GRAMD4: variants seen among roughly 807,000 people sequenced by gnomAD.
The protein encoded by GRAMD4 is GRAM domain-containing protein 4.
Under a neutral mutation model 83.9 loss-of-function variants are expected in GRAMD4, and 25 were observed. The ratio of observed to expected loss-of-function variants is 0.30; its 90% CI spans 0.22 to 0.42. The LOEUF (loss-of-function observed/expected upper bound fraction) is 0.42, where lower values mean the gene tolerates loss of function less well. Ranked by LOEUF, GRAMD4 falls within the 10% of genes least tolerant of loss-of-function variation. The probability of loss-of-function intolerance (pLI) is 1.00; values close to 1 mark genes in which losing one functional copy is unlikely to be tolerated. For missense variants in GRAMD4, 593 were observed against 788.7 expected (o/e 0.75, Z 2.97); for synonymous variants, 336 against 320.9 (o/e 1.05, Z -0.50).
chr22:46,656,346 G>A (rs1032487685), intron 3 of GRAMD4, among the ~76,000 whole-genome samples: 10 of 152,356 alleles, frequency 6.6e-5, no homozygotes, highest in Middle Eastern at 3.4e-3. Context: ...TTTGGGTACC[G>A]TGAGCCTGTG....
rs768302011 is a variant in GRAMD4, at chr22:46,664,091, G to A, written c.691G>A (p.Val231Ile). 16 of 1,612,938 alleles carry A rather than the reference G, an allele frequency of 9.9e-6. No homozygotes were observed. In the East Asian group the frequency reaches 1.8e-4, roughly 18 times the overall value. The stretch of plus-strand genomic sequence containing the variant: ...CTCTGCCTTATCCGACTGGTACTCC[G>A]TCTACACGTCTGCCATTGCCTTCAC... ...NLSALSDWYS[V>I]YTSAIAFTVY... The change falls in exon 8 of 19, where the codon GTC becomes ATC. Residue 231 changes from valine (V) to isoleucine (I), a missense_variant. Val to Ile is a conservative substitution (Grantham distance 29, BLOSUM62 3). Around this residue, in one of 4 missense-constraint regions of GRAMD4, gnomAD observed 312 missense variants for 350.7 expected, o/e 0.89. Transcript: ENST00000406902.
intron 16 of GRAMD4, 23 bp downstream of exon 16, chr22:46,674,773 G>A: frequency 6.5e-7 from 1 of 1,532,246 alleles, no homozygotes. Flanking sequence ...GTGGGGCCCT[G>A]TGTGGCTGCA....
At chr22:46,650,209 GT>G (rs1320402725) in intron 3 of GRAMD4, among the ~76,000 whole-genome samples, 2 of 152,158 alleles carry the variant, frequency 1.3e-5, no homozygotes, top group African/African-American at 4.8e-5. Flanking sequence ...TGAATCAGTC[GT>G]GTGCCAAGAG....
At chr22:46,615,679 TG>T (rs2081475700), upstream of GRAMD4, among the ~76,000 whole-genome samples, 1 of 11,066 alleles carries the variant, frequency 9.0e-5, no homozygotes, top group Admixed American at 1.4e-3. Context: ...TAGGTTCCCC[TG>T]TGCGTAGGTT....
intron 1 of GRAMD4, among the ~76,000 whole-genome samples, chr22:46,604,640 TCA>T (rs1326823314): frequency 6.6e-6 from 1 of 152,226 alleles, no homozygotes; most frequent in African/African-American, 2.4e-5. Context: ...AAGTGGAATC[TCA>T]CAGTGTCTAT....
At position 46,620,656 on chromosome 22, in the gene GRAMD4, C is replaced by CCCCAG; in HGVS notation, c.-50+91_-50+92insCCCAG. On this transcript the variant is annotated intron_variant, in intron 1 of 18. Coordinates refer to ENST00000406902, the MANE Select transcript of GRAMD4 (RefSeq NM_015124.5). The surrounding 1 kb of genome is among the most constrained non-coding windows in gnomAD (Gnocchi z 4.7). ...TGGGAAAAGCTGCTACTCTCTGGGG[C>CCCCAG]AGTGGTCCCAGCTACCACGTGCTCT... 8.7e-6 allele frequency: 3 copies of CCCCAG among 345,076 alleles called. No individual in the cohort carries two copies. The highest frequency in any genetic ancestry group is 1.1e-4 in the South Asian group (1 of 8,936). The allele number at this position is 345,076 out of a possible 1,614,324, so 21.4% of individuals were successfully genotyped here. A position where few individuals can be genotyped will look rare whatever the true frequency, so the allele number is the denominator to read the frequency against.
In GRAMD4 at chr22:46,622,935, A is replaced by T; in HGVS notation, c.-50+2370A>T. 6.7e-6 allele frequency among the ~76,000 whole-genome samples: 1 copy of T among 149,932 alleles called. No individual in the cohort carries two copies. On this transcript the variant is annotated intron_variant, in intron 1 of 18. Transcript: ENST00000406902. The surrounding 1 kb of genome is among the most constrained non-coding windows in gnomAD (Gnocchi z 4.0). ...TCTAAAAAAAAAAAAAAAAAAACTG[A>T]TGAAATTGGTAATATTTATATTATG...
At chr22:46,616,037 TGTA>T (rs2081484492), upstream of GRAMD4, among the ~76,000 whole-genome samples, 4 of 3,000 alleles carry the variant, frequency 1.3e-3, no homozygotes, top group Non-Finnish European at 2.5e-3. Flanking sequence ...TTCCCCCATG[TGTA>T]GGTTCCCCTG....
At chr22:46,598,701 G>A (rs1344757181) in intron 1 of GRAMD4, among the ~76,000 whole-genome samples, 2 of 150,926 alleles carry the variant, frequency 1.3e-5, no homozygotes, top group Non-Finnish European at 3.0e-5. Flanking sequence ...GGCCTGTGGT[G>A]CAGCTCCGAG....
chr22:46,673,696 C>T lies in GRAMD4; in HGVS notation c.1266C>T (p.Tyr422=), dbSNP rs148538932. 139 of 1,612,646 alleles carry T rather than the reference C, an allele frequency of 8.6e-5. No individual in the cohort carries two copies. Among genetic ancestry groups the T allele is most frequent in the Non-Finnish European group, 1.1e-4 (127 of 1,179,838 alleles). ...RRLQTTSSRS[Y]VPSAPAGLGK... is the part of the protein sequence containing the mutation. The stretch of plus-strand genomic sequence containing the variant: ...TGCAGACGACCTCGTCACGGAGCTA[C>T]GTACCCAGCGCACCGGCCGGCCTGG... The change falls in exon 15 of 19, where the codon TAC becomes TAT. Residue 422 remains tyrosine (Y), a synonymous_variant. Transcript: ENST00000406902.
At position 46,663,064 on chromosome 22, in the gene GRAMD4, C is replaced by G. The variant is rs564439460; in HGVS notation, c.491C>G (p.Ser164Trp). Residue 164 changes from serine (S) to tryptophan (W), a missense_variant, in exon 6 of 19, where the codon TCG becomes TGG. Transcript: ENST00000406902. ...GAERRSQGLS[S>W]RLQKWFYERF... is the part of the protein sequence containing the mutation. ...GAGCGCCGGAGCCAGGGGCTGTCCT[C>G]GCGCCTGCAGAAGTGGTTCTACGAG... 1.2e-6 allele frequency: 2 copies of G among 1,611,676 alleles called. No individual in the cohort carries two copies. The highest frequency in any genetic ancestry group is 1.7e-6 in the Non-Finnish European group (2 of 1,179,180).
chr22:46,646,239 G>A (rs1189488882), intron 3 of GRAMD4, among the ~76,000 whole-genome samples: 2 of 152,230 alleles, frequency 1.3e-5, no homozygotes, highest in Non-Finnish European at 2.9e-5. Context: ...ACTCACACGG[G>A]CAGTGGCAGT....
intron 1 of GRAMD4, among the ~76,000 whole-genome samples, chr22:46,578,897 T>TCG (rs2147887638): frequency 6.6e-6 from 1 of 152,330 alleles, no homozygotes; most frequent in Admixed American, 6.5e-5. Context: ...CCCACAGTCC[T>TCG]CACCGTGCTG....
intron 15 of GRAMD4, among the ~76,000 whole-genome samples, chr22:46,674,320 G>A (rs1213098771): frequency 6.6e-6 from 1 of 152,152 alleles, no homozygotes; most frequent in East Asian, 1.9e-4. Flanking sequence ...GCTGAGCCCT[G>A]GCCCTGCCGG....
Position 46,672,768 on chromosome 22 carries a change from C to G in GRAMD4, c.1085-75C>G. The G allele has an allele frequency of 8.1e-7, 1 of 1,230,306 alleles. No homozygotes were observed. The highest frequency in any genetic ancestry group is 1.2e-6 in the Non-Finnish European group (1 of 860,456). The allele number at this position is 1,230,306 out of a possible 1,614,324, so 76.2% of individuals were successfully genotyped here. ...GTGCCAATCTGGGAGGTGGGAGGTG[C>G]CGGAACCATCACCCTGAGTAGACTG... is the stretch of plus-strand genomic sequence containing the variant. On this transcript the variant is annotated intron_variant, in intron 13 of 18. Transcript: ENST00000406902. The surrounding 1 kb of genome is among the most constrained non-coding windows in gnomAD (Gnocchi z 4.7).
Position 46,663,903 on chromosome 22 carries a change from G to A in GRAMD4, c.625+40G>A, listed in dbSNP as rs771961432. ...CTCTGCGTGGCGCCCACGATGCTCAGTGTGGGTGGGGCCCATGGCGGTGGG... is the reference window on the plus strand; with the variant it reads ...CTCTGCGTGGCGCCCACGATGCTCAATGTGGGTGGGGCCCATGGCGGTGGG... On this transcript the variant is annotated intron_variant, in intron 7 of 18. Transcript: ENST00000406902. The A allele has an allele frequency of 2.5e-6, 4 of 1,606,848 alleles. No homozygotes were observed. The East Asian group carries it at 6.7e-5, about 27-fold the overall frequency.
At chr22:46,648,157 G>A (rs2082098016) in intron 3 of GRAMD4, among the ~76,000 whole-genome samples, 1 of 152,038 alleles carries the variant, frequency 6.6e-6, no homozygotes, top group African/African-American at 2.4e-5. Context: ...TGGAAAGATG[G>A]ATGGGTGGAT....
At chr22:46,593,446 A>G (rs1257186310) in intron 1 of GRAMD4, among the ~76,000 whole-genome samples, 1 of 152,178 alleles carries the variant, frequency 6.6e-6, no homozygotes, top group Non-Finnish European at 1.5e-5. Flanking sequence ...CCTGCCGCAC[A>G]GGGAGGGCAG....
At chr22:46,677,100 C>T in intron 18 of GRAMD4, 47 bp from the exon 19 acceptor site, 1 of 1,606,762 alleles carries the variant, frequency 6.2e-7, no homozygotes, top group Non-Finnish European at 8.5e-7. Context: ...GGTCCTGGCG[C>T]CAGCCTGGCT....
Sources: gnomAD v4.1 joint callset for allele counts (sites outside exome capture counted in the v4.1 genomes callset) on GRCh38, gnomAD v4.1.1 for gene constraint, gnomAD v4.1.1 regional missense constraint, Gnocchi (gnomAD v3.1) non-coding constraint, MANE v1.5 for transcripts, NCBI Gene and HGNC (gene_info 2026-07-23, HGNC 2026-07-21) for gene names.